HARS1: variants seen among roughly 807,000 people sequenced by gnomAD.
HARS1 encodes the protein histidine--tRNA ligase, cytoplasmic.
HARS1 carries 45 observed loss-of-function variants against 63.6 expected under a neutral mutation model. The ratio of observed to expected loss-of-function variants is 0.71; its 90% CI spans 0.56 to 0.91. The LOEUF (loss-of-function observed/expected upper bound fraction) is 0.91, where lower values mean the gene tolerates loss of function less well. Ranked by LOEUF, HARS1 falls within the 40% of genes least tolerant of loss-of-function variation. The pLI, the probability that HARS1 is intolerant of heterozygous loss-of-function variation, is 0.00. For missense variants in HARS1, 508 were observed against 643.2 expected (o/e 0.79, Z 2.27); for synonymous variants, 205 against 247.1 (o/e 0.83, Z 1.60).
chr5:140,684,450 T>C (rs907074133), intron 2 of HARS1: 2 of 971,918 alleles, frequency 2.1e-6, no homozygotes, highest in Admixed American at 1.2e-4. Flanking sequence ...TAACTTTTCT[T>C]TTAAATCTTA....
rs1275864095 is a variant in HARS1, at chr5:140,677,100, C to T, written c.840G>A (p.Val280=). 5 of 1,614,118 alleles carry T rather than the reference C, an allele frequency of 3.1e-6. No homozygotes were observed. Among genetic ancestry groups the T allele is most frequent in the Admixed American group, 1.7e-5 (1 of 60,018 alleles). Residue 280 remains valine, a synonymous_variant, in exon 9 of 13, where the codon GTG becomes GTA. Transcript: ENST00000504156. ...GTTTAGGATCCTGGAGCAGCTGTTC[C>T]ACCAGGGATACCCCACCTGGGGAGA... ...YVQQHGGVSL[V]EQLLQDPKLS... is the part of the protein sequence containing the mutation.
chr5:140,675,535 C>G (rs1758314866), intron 10 of HARS1: 1 of 152,166 alleles, frequency 6.6e-6, no homozygotes, highest in Non-Finnish European at 1.4e-5. Context: ...AGGCACACAC[C>G]ACCATACTCA....
chr5:140,690,232 A>C (rs971623712), intron 2 of HARS1, among the ~76,000 whole-genome samples: 2 of 152,176 alleles, frequency 1.3e-5, no homozygotes, highest in Non-Finnish European at 2.9e-5. Context: ...CGGGCAGATC[A>C]CTTGAGGTCA....
chr5:140,674,619 T>G, intron 12 of HARS1, 60 bp downstream of exon 12: 1 of 1,585,446 alleles, frequency 6.3e-7, no homozygotes. Flanking sequence ...TGAATGGGCA[T>G]GGGCCTGCCA....
intron 6 of HARS1, 25 bp downstream of exon 6, chr5:140,677,882 GC>G: frequency 6.6e-7 from 1 of 1,508,186 alleles, no homozygotes; most frequent in Non-Finnish European, 9.2e-7. Flanking sequence ...GCCCAACTTT[GC>G]CCTCCCAGCC....
chr5:140,674,151 C>T lies in HARS1; in HGVS notation c.*106G>A. On this transcript the variant is annotated 3_prime_UTR_variant, in exon 13 of 13. Coordinates refer to ENST00000504156, the MANE Select transcript of HARS1 (RefSeq NM_002109.6). ...GCTCTGTTCTGACCACTCTTCAGGT[C>T]TTCCGCTGAAACGGAAAAGTGCAAA... is the stretch of plus-strand genomic sequence containing the variant. 1 of 789,480 alleles carries T rather than the reference C, an allele frequency of 1.3e-6. No individual in the cohort carries two copies. Among genetic ancestry groups the T allele is most frequent in the Admixed American group, 1.8e-5 (1 of 54,716 alleles). The allele number at this position is 789,480 out of a possible 1,614,324, so 48.9% of individuals were successfully genotyped here.
intron 7 of HARS1, 70 bp downstream of exon 7, chr5:140,677,585 T>G: frequency 8.5e-7 from 1 of 1,182,256 alleles, no homozygotes; most frequent in Non-Finnish European, 1.3e-6. Flanking sequence ...TCTCTCTCTC[T>G]CAATCTTGTT....
chr5:140,685,807 T>G (rs1758990314), intron 2 of HARS1, among the ~76,000 whole-genome samples: 1 of 152,198 alleles, frequency 6.6e-6, no homozygotes, highest in African/African-American at 2.4e-5. Context: ...TTTTGTACTT[T>G]GAATGAATGG....
At chr5:140,688,578 T>C (rs1323475571) in intron 2 of HARS1, among the ~76,000 whole-genome samples, 2 of 152,218 alleles carry the variant, frequency 1.3e-5, no homozygotes, top group African/African-American at 4.8e-5. Flanking sequence ...TTTTCCCCAG[T>C]TGCCTCAATA....
chr5:140,674,826 C>T lies in HARS1; in HGVS notation c.1312-1G>A. The T allele has an allele frequency of 1.9e-6, 3 of 1,614,164 alleles. No individual in the cohort carries two copies. The highest frequency in any genetic ancestry group is 2.5e-6 in the Non-Finnish European group (3 of 1,180,012). On this transcript the variant is annotated splice_acceptor_variant, in intron 11 of 12. Coordinates refer to ENST00000504156, the MANE Select transcript of HARS1 (RefSeq NM_002109.6). LOFTEE classifies it high-confidence loss of function. ...GGTTCTTCTTGTACAGCAGCTCAGC[C>T]TGCAGGGGACAAGAGCAGAAGATGA...
intron 7 of HARS1, 62 bp from the exon 8 acceptor site, chr5:140,677,482 T>C: frequency 7.5e-7 from 1 of 1,336,350 alleles, no homozygotes; most frequent in Non-Finnish European, 1.1e-6. Context: ...AGCAAGTGTG[T>C]ACTGTCCTCG....
intron 1 of HARS1, 130 bp from the exon 2 acceptor site, chr5:140,691,074 C>A: frequency 1.1e-6 from 1 of 898,886 alleles, no homozygotes; most frequent in South Asian, 1.4e-5. Flanking sequence ...GGACCCACCC[C>A]GGATGTCTCC....
chr5:140,687,138 C>T (rs1385478759), intron 2 of HARS1, among the ~76,000 whole-genome samples: 1 of 152,118 alleles, frequency 6.6e-6, no homozygotes, highest in Non-Finnish European at 1.5e-5. Flanking sequence ...AAGCATTTTC[C>T]CTACCTTGGC....
chr5:140,674,790 C>T lies in HARS1; in HGVS notation c.1347G>A (p.Leu449=). 1.9e-6 allele frequency: 3 copies of T among 1,614,162 alleles called. No homozygotes were observed. The highest frequency in any genetic ancestry group is 1.1e-5 in the South Asian group (1 of 91,076). The change falls in exon 12 of 13, where the codon CTG becomes CTA. Residue 449 remains leucine, a synonymous_variant. Transcript: ENST00000504156. ...ELLYKKNPKL[L]NQLQYCEEAG... The stretch of plus-strand genomic sequence containing the variant: ...CCTCCTCACAGTACTGTAACTGGTT[C>T]AGTAGCTTTGGGTTCTTCTTGTACA...
rs563954007 is a variant in HARS1, at chr5:140,685,566, CA to C, written c.181-2348del. Among the ~76,000 whole-genome samples, 415 of 150,930 alleles carry C rather than the reference CA, an allele frequency of 2.7e-3. 2 individuals carry two copies. The highest frequency in any genetic ancestry group is 0.014 in the Middle Eastern group (4 of 290). On this transcript the variant is annotated intron_variant, in intron 2 of 12. Coordinates refer to ENST00000504156, the MANE Select transcript of HARS1 (RefSeq NM_002109.6). ...GAAACCCCATCTCTACTAAAAAATA[CA>C]AAAATTAGCTGGGCGTGGTGGCACA...
At chr5:140,685,558 A>G (rs919249864) in intron 2 of HARS1, among the ~76,000 whole-genome samples, 2 of 151,674 alleles carry the variant, frequency 1.3e-5, no homozygotes, top group African/African-American at 4.8e-5. Flanking sequence ...CATCTCTACT[A>G]AAAAATACAA....
intron 5 of HARS1, chr5:140,678,247 A>C: frequency 3.7e-6 from 2 of 546,458 alleles, no homozygotes; most frequent in African/African-American, 1.9e-5. Flanking sequence ...CATCTTCTTA[A>C]CTCCTCCTAC....
chr5:140,689,352 A>G (rs1759228023), intron 2 of HARS1, among the ~76,000 whole-genome samples: 1 of 152,256 alleles, frequency 6.6e-6, no homozygotes, highest in Admixed American at 6.5e-5. Flanking sequence ...TATATACTTT[A>G]AATAGTCTCT....
chr5:140,677,678 A>G lies in HARS1; in HGVS notation c.706T>C (p.Ser236Pro). 1 of 1,610,464 alleles carries G rather than the reference A, an allele frequency of 6.2e-7. No homozygotes were observed. Residue 236 changes from serine (S) to proline (P), a missense_variant, in exon 7 of 13, where the codon TCC becomes CCC. Around this residue, in one of 2 missense-constraint regions of HARS1, gnomAD observed 403 missense variants for 548.7 expected, o/e 0.73. Coordinates refer to ENST00000504156, the MANE Select transcript of HARS1 (RefSeq NM_002109.6). Reference sequence around the variant, plus strand: ...ACCTTGTCCAGCTTGTCTACTGAGGAGCAGATGGTACGGAACTTGCTGTCA... The same window carrying G: ...ACCTTGTCCAGCTTGTCTACTGAGGGGCAGATGGTACGGAACTTGCTGTCA... ...VSDSKFRTIC[S>P]SVDKLDKVSW...
Sources: allele counts gnomAD v4.1 joint callset (sites outside exome capture counted in the v4.1 genomes callset), GRCh38; gene constraint gnomAD v4.1.1; regional missense constraint gnomAD v4.1.1; transcripts MANE v1.5; gene names NCBI Gene and HGNC (gene_info 2026-07-23, HGNC 2026-07-21).